CCDC192: variants seen among roughly 807,000 people sequenced by gnomAD.
CCDC192 encodes the protein coiled-coil domain containing 192.
chr5:127,744,683 G>A (rs1262885125), intron 2 of CCDC192, among the ~76,000 whole-genome samples: 1 of 152,052 alleles, frequency 6.6e-6, no homozygotes, highest in Non-Finnish European at 1.5e-5. Flanking sequence ...ACTGCTGTTT[G>A]GTCACTTGCT....
chr5:127,890,060 G>A (rs922899870), intron 6 of CCDC192, among the ~76,000 whole-genome samples: 2 of 152,012 alleles, frequency 1.3e-5, no homozygotes, highest in Non-Finnish European at 2.9e-5. Context: ...CCCACCAAAT[G>A]GATCTGGATC....
At chr5:127,802,638 C>T (rs1311807960) in intron 5 of CCDC192, among the ~76,000 whole-genome samples, 4 of 152,188 alleles carry the variant, frequency 2.6e-5, no homozygotes, top group African/African-American at 9.7e-5. Flanking sequence ...CTTCTCTGTG[C>T]CTCTTTTCAG....
chr5:127,797,040 T>C lies in CCDC192; in HGVS notation c.223-63T>C, dbSNP rs562015333. The C allele has an allele frequency of 9.1e-4, 357 of 391,268 alleles. 1 individual carries two copies. The highest frequency in any genetic ancestry group is 3.0e-3 in the Admixed American group (68 of 22,588). The allele number at this position is 391,268 out of a possible 1,614,324, so 24.2% of individuals were successfully genotyped here. ...AAGATAAATTATTTGTAAGTTGAAT[T>C]TTTAAAAGGAGCTTTTAAAATATCA... On this transcript the variant is annotated intron_variant, in intron 3 of 6. Transcript: ENST00000514853.
intron 3 of CCDC192, among the ~76,000 whole-genome samples, chr5:127,777,851 T>C (rs1241842266): frequency 6.6e-6 from 1 of 152,172 alleles, no homozygotes; most frequent in Admixed American, 6.5e-5. Flanking sequence ...CTGCCATGAT[T>C]ATGAGGCCTC....
chr5:127,716,313 G>C (rs2126788439), intron 2 of CCDC192, among the ~76,000 whole-genome samples: 1 of 152,122 alleles, frequency 6.6e-6, no homozygotes, highest in East Asian at 1.9e-4. Flanking sequence ...GAGGATTTTT[G>C]CCTCTATGTT....
intron 5 of CCDC192, among the ~76,000 whole-genome samples, chr5:127,808,439 G>A (rs1174310502): frequency 6.6e-6 from 1 of 152,034 alleles, no homozygotes; most frequent in Admixed American, 6.6e-5. Context: ...GGTTCTTCCA[G>A]AGTCAGTTTC....
chr5:127,727,479 GA>G (rs200682335), intron 2 of CCDC192, among the ~76,000 whole-genome samples: 434 of 146,784 alleles, frequency 3.0e-3, no homozygotes, highest in African/African-American at 9.9e-3. Context: ...TCTAAAAAAA[GA>G]AAAAAAAAAT....
intron 6 of CCDC192, among the ~76,000 whole-genome samples, chr5:127,890,278 G>A (rs1752695530): frequency 6.6e-6 from 1 of 152,086 alleles, no homozygotes; most frequent in South Asian, 2.1e-4. Flanking sequence ...TCAGGAGGCT[G>A]AAATGGGAGG....
At chr5:127,911,929 AT>A (rs955064543) in intron 6 of CCDC192, among the ~76,000 whole-genome samples, 35 of 147,524 alleles carry the variant, frequency 2.4e-4, no homozygotes, top group East Asian at 6.0e-4. Context: ...CTCTCACCAA[AT>A]TTTTTTTTTC....
intron 2 of CCDC192, among the ~76,000 whole-genome samples, chr5:127,752,746 T>C (rs191248943): frequency 0.016 from 2,488 of 152,280 alleles, 64 homozygotes; most frequent in African/African-American, 0.057. Context: ...CTCAGACTGC[T>C]GTGCTAGCAG....
intron 3 of CCDC192, among the ~76,000 whole-genome samples, chr5:127,791,158 T>G (rs1756844713): frequency 6.6e-6 from 1 of 152,196 alleles, no homozygotes; most frequent in African/African-American, 2.4e-5. Flanking sequence ...AACATTCATC[T>G]GAAAAATTGT....
chr5:127,783,000 T>G (rs1350510801), intron 3 of CCDC192, among the ~76,000 whole-genome samples: 1 of 150,336 alleles, frequency 6.7e-6, no homozygotes, highest in Admixed American at 6.6e-5. Flanking sequence ...AGGTGGGGTT[T>G]TTTTTTTTTT....
chr5:127,904,411 C>T (rs962823646), intron 6 of CCDC192, among the ~76,000 whole-genome samples: 6 of 151,736 alleles, frequency 4.0e-5, no homozygotes, highest in East Asian at 1.9e-4. Context: ...CACCTTCATA[C>T]ATTCTGTAGC....
chr5:127,831,348 A>G (rs1490840248), intron 5 of CCDC192, among the ~76,000 whole-genome samples: 1 of 151,864 alleles, frequency 6.6e-6, no homozygotes, highest in Non-Finnish European at 1.5e-5. Flanking sequence ...AAATCTTCAA[A>G]AGTGTGTGTG....
chr5:127,920,103 A>G (rs1365651098), intron 6 of CCDC192, among the ~76,000 whole-genome samples: 1 of 152,204 alleles, frequency 6.6e-6, no homozygotes, highest in Non-Finnish European at 1.5e-5. Flanking sequence ...AAGATGTCCT[A>G]TTTGCTTTTC....
intron 5 of CCDC192, among the ~76,000 whole-genome samples, chr5:127,813,109 G>A (rs1465915565): frequency 6.6e-6 from 1 of 152,192 alleles, no homozygotes. Flanking sequence ...GTGGGAGCCC[G>A]TGCAGGGCGG....
At chr5:127,797,731 GTATATATATATATA>G (rs146458343) in intron 4 of CCDC192, among the ~76,000 whole-genome samples, 516 of 20,998 alleles carry the variant, frequency 0.025, 5 homozygotes, top group Middle Eastern at 0.13. Flanking sequence ...TCATGTGAAG[GTATATATATATATA>G]TATATATATA....
At chr5:127,864,859 A>G (rs961254013) in intron 5 of CCDC192, among the ~76,000 whole-genome samples, 10 of 152,320 alleles carry the variant, frequency 6.6e-5, no homozygotes, top group Non-Finnish European at 1.2e-4. Flanking sequence ...AAATAACTAT[A>G]TATAATGGCT....
At chr5:127,937,559 C>T (rs1754220177) in intron 6 of CCDC192, among the ~76,000 whole-genome samples, 1 of 152,174 alleles carries the variant, frequency 6.6e-6, no homozygotes, top group Non-Finnish European at 1.5e-5. Flanking sequence ...ATCCTGACAC[C>T]CTGATCTGAG....
Sources: gnomAD v4.1 joint callset for allele counts (sites outside exome capture counted in the v4.1 genomes callset) on GRCh38, gnomAD v4.1.1 for gene constraint, MANE v1.5 for transcripts, NCBI Gene and HGNC (gene_info 2026-07-23, HGNC 2026-07-21) for gene names.